Variants in ERBB4 observed in about 807,000 individuals in gnomAD.
ERBB4 encodes the protein receptor tyrosine-protein kinase erbB-4.
Under a neutral mutation model 158.0 loss-of-function variants are expected in ERBB4, and 42 were observed. That is an observed-to-expected ratio of 0.27 (90% confidence interval 0.21 to 0.34). The LOEUF (loss-of-function observed/expected upper bound fraction) is 0.34, where lower values mean the gene tolerates loss of function less well. Among genes scored for constraint, ERBB4 ranks in the 10% least tolerant of loss-of-function variants. The probability of loss-of-function intolerance (pLI) is 1.00; values close to 1 mark genes in which losing one functional copy is unlikely to be tolerated. For missense variants in ERBB4, 1,333 were observed against 1,624.1 expected (o/e 0.82, Z 3.08); for synonymous variants, 583 against 558.7 (o/e 1.04, Z -0.61).
intron 1 of ERBB4, among the ~76,000 whole-genome samples, chr2:212,186,454 G>A (rs145455062): frequency 2.6e-5 from 4 of 152,186 alleles, no homozygotes; most frequent in East Asian, 1.9e-4. Context: ...TTACTTCACT[G>A]GTAAATACAA....
intron 9 of ERBB4, among the ~76,000 whole-genome samples, chr2:211,708,861 T>C (rs2073559827): frequency 1.3e-5 from 2 of 152,074 alleles, no homozygotes; most frequent in Non-Finnish European, 2.9e-5. Context: ...GCCATGCAAC[T>C]CAACACAAAC....
At chr2:212,527,323 G>A (rs866309215) in intron 1 of ERBB4, among the ~76,000 whole-genome samples, 12 of 152,048 alleles carry the variant, frequency 7.9e-5, no homozygotes, top group African/African-American at 1.2e-4. Context: ...TTTACACTAC[G>A]TAATATTAGG....
chr2:212,519,481 T>TA (rs1560538913), intron 1 of ERBB4, among the ~76,000 whole-genome samples: 1 of 150,456 alleles, frequency 6.6e-6, no homozygotes, highest in Admixed American at 6.7e-5. Flanking sequence ...AAAGGATAAA[T>TA]AAAATGGCTG....
rs1217270481 is a variant in ERBB4 at position 212,003,112 on chromosome 2, A to AGAAG, written c.235-55500_235-55497dup. Among the ~76,000 whole-genome samples the AGAAG allele has an allele frequency of 0.018, 856 of 48,172 alleles. 142 individuals carry two copies. The East Asian group carries it at 0.26, about 15-fold the overall frequency. 31.6% of individuals were successfully genotyped at this position (48,172 alleles called of 152,430 possible). ...GAGAGACAGAGACAGAAAGAAAGAA[A>AGAAG]GAAGGAAGGAAGGAAGGAAGGAAGG... On this transcript the variant is annotated intron_variant, in intron 2 of 27. Transcript: ENST00000342788.
At chr2:212,468,469 T>C (rs1688953351) in intron 1 of ERBB4, among the ~76,000 whole-genome samples, 1 of 152,176 alleles carries the variant, frequency 6.6e-6, no homozygotes, top group Non-Finnish European at 1.5e-5. Context: ...GGAGTTTCTC[T>C]GCACAAGCTC....
chr2:211,419,351 A>G (rs907947671), intron 25 of ERBB4, among the ~76,000 whole-genome samples: 6 of 152,224 alleles, frequency 3.9e-5, no homozygotes, highest in Non-Finnish European at 7.4e-5. Flanking sequence ...CCAGGGGAAT[A>G]TTACTTATTA....
At chr2:212,483,324 G>C (rs140034959) in intron 1 of ERBB4, among the ~76,000 whole-genome samples, 172 of 152,314 alleles carry the variant, frequency 1.1e-3, no homozygotes, top group African/African-American at 4.0e-3. Flanking sequence ...TTACATTTTA[G>C]AGGTGAATCC....
At chr2:212,420,991 C>T (rs1467644144) in intron 1 of ERBB4, among the ~76,000 whole-genome samples, 2 of 152,094 alleles carry the variant, frequency 1.3e-5, no homozygotes, top group African/African-American at 4.8e-5. Flanking sequence ...TGGACTGACA[C>T]TTGTTTTCTA....
chr2:211,910,732 A>T lies in ERBB4; in HGVS notation c.421+36698T>A, dbSNP rs182878654. 4.6e-5 allele frequency among the ~76,000 whole-genome samples: 7 copies of T among 152,194 alleles called. No individual in the cohort carries two copies. The East Asian group carries it at 1.2e-3, about 25-fold the overall frequency. ...TGTACCCCTAAACTTAAAAGTTTTT[A>T]AAAAACCGTTATATTCATGCTTTTG... is the stretch of plus-strand genomic sequence containing the variant. On this transcript the variant is annotated intron_variant, in intron 3 of 27. Coordinates refer to ENST00000342788, the MANE Select transcript of ERBB4 (RefSeq NM_005235.3).
At chr2:211,797,997 C>T (rs908658995) in intron 3 of ERBB4, among the ~76,000 whole-genome samples, 2 of 151,920 alleles carry the variant, frequency 1.3e-5, no homozygotes, top group Admixed American at 6.6e-5. Flanking sequence ...AATTAGTATA[C>T]ATTAACTACA....
chr2:212,220,187 A>G (rs1456882823), intron 1 of ERBB4, among the ~76,000 whole-genome samples: 1 of 151,492 alleles, frequency 6.6e-6, no homozygotes, highest in African/African-American at 2.4e-5. Context: ...TGAGAATTGC[A>G]GTAAAATCTT....
At chr2:211,415,161 G>A (rs1972819) in intron 25 of ERBB4, among the ~76,000 whole-genome samples, 1 of 116,326 alleles carries the variant, frequency 8.6e-6, no homozygotes, top group Non-Finnish European at 1.6e-5. Context: ...CTGTCGCCCA[G>A]GCTGGAGTGC....
chr2:211,436,024 AG>A (rs1013866988), intron 20 of ERBB4, among the ~76,000 whole-genome samples: 2 of 151,914 alleles, frequency 1.3e-5, no homozygotes, highest in African/African-American at 4.8e-5. Flanking sequence ...TGGCATGATC[AG>A]GGCTCACTGC....
At position 212,446,591 on chromosome 2, in the gene ERBB4, GTATATATATATATATATA is replaced by G. The variant is rs71057412; in HGVS notation, c.82+91840_82+91857del. Among the ~76,000 whole-genome samples, 35 of 27,514 alleles carry G rather than the reference GTATATATATATATATATA, an allele frequency of 1.3e-3. 2 individuals carry two copies. Among genetic ancestry groups the G allele is most frequent in the East Asian group, 5.7e-3 (5 of 880 alleles). The allele number at this position is 27,514 out of a possible 152,430, so 18.1% of individuals were successfully genotyped here. A position where few individuals can be genotyped will look rare whatever the true frequency, so the allele number is the denominator to read the frequency against. On this transcript the variant is annotated intron_variant, in intron 1 of 27. Coordinates refer to ENST00000342788, the MANE Select transcript of ERBB4 (RefSeq NM_005235.3). ...TTAATAAACTCCCATATATATATAT[GTATATATATATATATATA>G]TATATATATATATATATATATATAT...
chr2:212,523,114 G>C (rs547986860), intron 1 of ERBB4, among the ~76,000 whole-genome samples: 40 of 91,998 alleles, frequency 4.3e-4, no homozygotes, highest in Middle Eastern at 7.7e-3. Flanking sequence ...AAAGAGAAAT[G>C]TCAAAGGCCT....
chr2:211,606,726 AT>A (rs915886022), intron 19 of ERBB4, among the ~76,000 whole-genome samples: 6 of 152,158 alleles, frequency 3.9e-5, no homozygotes, highest in African/African-American at 1.4e-4. Flanking sequence ...AAACTAAAGA[AT>A]ATTGTATTTT....
At chr2:212,256,774 C>A (rs2084754821) in intron 1 of ERBB4, among the ~76,000 whole-genome samples, 1 of 152,100 alleles carries the variant, frequency 6.6e-6, no homozygotes, top group South Asian at 2.1e-4. Flanking sequence ...TTTTTCTCAA[C>A]TGGGTAAAAT....
chr2:211,883,274 A>G (rs1358075128), intron 3 of ERBB4, among the ~76,000 whole-genome samples: 1 of 152,100 alleles, frequency 6.6e-6, no homozygotes, highest in Non-Finnish European at 1.5e-5. Flanking sequence ...AGGAAGGGGA[A>G]CATCACACAC....
intron 5 of ERBB4, among the ~76,000 whole-genome samples, chr2:211,738,542 T>C (rs2074685092): frequency 6.6e-6 from 1 of 151,940 alleles, no homozygotes; most frequent in African/African-American, 2.4e-5. Flanking sequence ...AGCTAATTTT[T>C]TGTATTTTTA....
Sources: gnomAD v4.1 joint callset for allele counts (sites outside exome capture counted in the v4.1 genomes callset) on GRCh38, gnomAD v4.1.1 for gene constraint, MANE v1.5 for transcripts, NCBI Gene and HGNC (gene_info 2026-07-23, HGNC 2026-07-21) for gene names.